The following FMN2 variants were observed in gnomAD, a reference collection of about 807,000 sequenced individuals.
The protein encoded by FMN2 is formin 2.
Under a neutral mutation model 142.3 loss-of-function variants are expected in FMN2, and 51 were observed. That is an observed-to-expected ratio of 0.36 (90% CI 0.29 to 0.45). The LOEUF (loss-of-function observed/expected upper bound fraction) is 0.45. Ranked by LOEUF, FMN2 falls within the 20% of genes least tolerant of loss-of-function variation. The pLI is 1.00. For missense variants in FMN2, 1,936 were observed against 2,122.8 expected, an observed-to-expected ratio of 0.91 and a Z score of 1.73; for synonymous variants, 882 against 869.8, an observed-to-expected ratio of 1.01 and a Z score of -0.25.
At chr1:240,362,484 T>C (rs1162582276) in intron 14 of FMN2, among the ~76,000 whole-genome samples, 3 of 152,216 alleles carry the variant, frequency 2.0e-5, no homozygotes, top group East Asian at 3.8e-4. Context: ...TTTCCTAATA[T>C]ATCTCTCAGA....
intron 6 of FMN2, among the ~76,000 whole-genome samples, chr1:240,213,410 A>G (rs1013371418): frequency 2.0e-5 from 3 of 152,122 alleles, no homozygotes; most frequent in Admixed American, 6.5e-5. Flanking sequence ...GGGACAAAAG[A>G]TTTTTTTAAA....
intron 1 of FMN2, among the ~76,000 whole-genome samples, chr1:240,108,280 G>T (rs1047159232): frequency 3.9e-5 from 6 of 152,262 alleles, no homozygotes; most frequent in East Asian, 3.9e-4. Context: ...GACAACCCTA[G>T]ATATTTATCC....
At chr1:240,123,372 G>A (rs757963021) in intron 2 of FMN2, 27 bp downstream of exon 2, 32 of 1,599,384 alleles carry the variant, frequency 2.0e-5, no homozygotes, top group Middle Eastern at 1.7e-4. Context: ...ACTTCTGTCC[G>A]TGAGGCAGAT....
intron 8 of FMN2, among the ~76,000 whole-genome samples, chr1:240,317,418 C>A (rs963953634): frequency 3.9e-5 from 6 of 152,156 alleles, no homozygotes; most frequent in Non-Finnish European, 7.4e-5. Flanking sequence ...CCATCCCTAA[C>A]CCCTGGTAGT....
intron 6 of FMN2, among the ~76,000 whole-genome samples, chr1:240,243,480 T>G (rs1667980734): frequency 6.6e-6 from 1 of 152,192 alleles, no homozygotes; most frequent in African/African-American, 2.4e-5. Flanking sequence ...TTTTAGATGT[T>G]TATTTCTTAT....
chr1:240,461,102 T>G (rs534384852), intron 16 of FMN2, among the ~76,000 whole-genome samples: 1 of 152,328 alleles, frequency 6.6e-6, no homozygotes, highest in East Asian at 1.9e-4. Flanking sequence ...CCTGCCTTCC[T>G]TCTTGCATCC....
At chr1:240,175,723 T>C (rs370007339) in intron 2 of FMN2, among the ~76,000 whole-genome samples, 1 of 151,032 alleles carries the variant, frequency 6.6e-6, no homozygotes, top group Non-Finnish European at 1.5e-5. Flanking sequence ...TGTTGTTGTT[T>C]GTTTGTTTTT....
intron 16 of FMN2, among the ~76,000 whole-genome samples, chr1:240,442,880 C>T (rs768867703): frequency 6.6e-6 from 1 of 152,122 alleles, no homozygotes; most frequent in Non-Finnish European, 1.5e-5. Flanking sequence ...GCTCCAGAAT[C>T]GTAGAAAATC....
chr1:240,123,710 G>A (rs1186822359), intron 2 of FMN2, among the ~76,000 whole-genome samples: 1 of 152,048 alleles, frequency 6.6e-6, no homozygotes, highest in African/African-American at 2.4e-5. Context: ...TAAATGTACC[G>A]TTTAGTGGCA....
At chr1:240,323,969 T>C (rs1033843493) in intron 8 of FMN2, among the ~76,000 whole-genome samples, 2 of 152,224 alleles carry the variant, frequency 1.3e-5, no homozygotes, top group Non-Finnish European at 2.9e-5. Flanking sequence ...ACTGTCATGC[T>C]ACCATTACTT....
chr1:240,377,084 G>C (rs1410256716), intron 14 of FMN2, among the ~76,000 whole-genome samples: 2 of 152,050 alleles, frequency 1.3e-5, no homozygotes, highest in African/African-American at 4.8e-5. Context: ...TGACAAAATT[G>C]TATTTTATAT....
chr1:240,123,378 C>A, intron 2 of FMN2, 33 bp downstream of exon 2: 1 of 1,595,952 alleles, frequency 6.3e-7, no homozygotes, highest in Non-Finnish European at 8.5e-7. Context: ...GTCCGTGAGG[C>A]AGATTTGCTG....
chr1:240,143,095 C>A lies in FMN2; in HGVS notation c.1782+19750C>A, dbSNP rs569955998. ...GTACCCTTCCCTAAATGTGTCAGGC[C>A]CTGTGCCAAGTGCACCATGAAGAGG... is the stretch of plus-strand genomic sequence containing the variant. On this transcript the variant is annotated intron_variant, in intron 2 of 17. Transcript: ENST00000319653. 61 of 1,532,436 alleles carry A rather than the reference C, an allele frequency of 4.0e-5. 1 individual carries two copies. The East Asian group carries it at 6.7e-4, about 17-fold the overall frequency. The allele number at this position is 1,532,436 out of a possible 1,614,324, so 94.9% of individuals were successfully genotyped here.
chr1:240,310,135 G>GA (rs1012246059), intron 8 of FMN2, among the ~76,000 whole-genome samples: 1 of 151,998 alleles, frequency 6.6e-6, no homozygotes, highest in African/African-American at 2.4e-5. Flanking sequence ...ATTTTATCTA[G>GA]AAAAAATAAA....
chr1:240,335,526 G>A (rs1472488215), intron 13 of FMN2, among the ~76,000 whole-genome samples: 3 of 152,108 alleles, frequency 2.0e-5, no homozygotes, highest in Non-Finnish European at 2.9e-5. Flanking sequence ...ACACTATGAT[G>A]TGTAAATGCT....
intron 4 of FMN2, among the ~76,000 whole-genome samples, chr1:240,199,856 A>T (rs913750449): frequency 6.0e-4 from 91 of 152,350 alleles, no homozygotes; most frequent in African/African-American, 2.0e-3. Context: ...GGTTCTGTAC[A>T]AAATTGCCAA....
chr1:240,272,357 A>C (rs1016845672), intron 7 of FMN2, among the ~76,000 whole-genome samples: 1 of 143,794 alleles, frequency 7.0e-6, no homozygotes, highest in Non-Finnish European at 1.5e-5. Flanking sequence ...CTTTGTGTAA[A>C]AGGTGTGGTT....
At chr1:240,131,365 G>A (rs1447855062) in intron 2 of FMN2, among the ~76,000 whole-genome samples, 1 of 152,088 alleles carries the variant, frequency 6.6e-6, no homozygotes, top group Non-Finnish European at 1.5e-5. Context: ...AACACCTGGG[G>A]CAAGACCTGA....
intron 6 of FMN2, among the ~76,000 whole-genome samples, chr1:240,215,467 T>G (rs1251039566): frequency 6.6e-6 from 1 of 152,214 alleles, no homozygotes; most frequent in Non-Finnish European, 1.5e-5. Context: ...GCCTTCTGGC[T>G]TCAAAGCCTC....
Sources: gnomAD v4.1 joint callset for allele counts (sites outside exome capture counted in the v4.1 genomes callset) on GRCh38, gnomAD v4.1.1 for gene constraint, MANE v1.5 for transcripts, NCBI Gene and HGNC (gene_info 2026-07-23, HGNC 2026-07-21) for gene names.